DGKG: variants seen among roughly 807,000 people sequenced by gnomAD.
DGKG encodes DAG kinase gamma.
In DGKG, 78 loss-of-function variants were observed where a neutral mutation model predicts 105.3. That is an observed-to-expected ratio of 0.74 (90% CI 0.62 to 0.89). The LOEUF is 0.89. Among genes scored for constraint, DGKG ranks in the 40% least tolerant of loss-of-function variants. The probability of loss-of-function intolerance (pLI) is 0.00; values close to 1 mark genes in which losing one functional copy is unlikely to be tolerated. For synonymous variants in DGKG, 346 were observed against 367.1 expected, an observed-to-expected ratio of 0.94 and a Z score of 0.66; for missense variants, 958 against 1,020.1, an observed-to-expected ratio of 0.94 and a Z score of 0.83.
At chr3:186,286,315 T>C (rs1723067847) in intron 6 of DGKG, among the ~76,000 whole-genome samples, 1 of 152,200 alleles carries the variant, frequency 6.6e-6, no homozygotes, top group Non-Finnish European at 1.5e-5. Context: ...GGACAGACCT[T>C]TTCTGCTAGC....
chr3:186,160,743 A>G (rs571832421), intron 24 of DGKG: 1 of 985,414 alleles, frequency 1.0e-6, no homozygotes, highest in East Asian at 1.1e-4. Flanking sequence ...GGTATTACGC[A>G]TGTAGTATCC....
At chr3:186,286,334 A>G (rs1723069030) in intron 6 of DGKG, among the ~76,000 whole-genome samples, 1 of 152,196 alleles carries the variant, frequency 6.6e-6, no homozygotes, top group Admixed American at 6.5e-5. Flanking sequence ...GCATTATTCC[A>G]GGACTCTGGG....
chr3:186,237,002 C>A (rs1720451033), intron 20 of DGKG, among the ~76,000 whole-genome samples: 1 of 152,188 alleles, frequency 6.6e-6, no homozygotes, highest in South Asian at 2.1e-4. Context: ...ATTTCATATG[C>A]AAAACCCTTC....
chr3:186,176,921 G>T (rs1230830631), intron 22 of DGKG, among the ~76,000 whole-genome samples: 3 of 152,194 alleles, frequency 2.0e-5, no homozygotes, highest in South Asian at 4.1e-4. Context: ...AGAGGTTTGG[G>T]CGTGGAGGCA....
intron 2 of DGKG, among the ~76,000 whole-genome samples, chr3:186,312,926 T>C (rs557112664): frequency 6.6e-6 from 1 of 152,380 alleles, no homozygotes; most frequent in South Asian, 2.1e-4. Flanking sequence ...TTCTCCCATC[T>C]AAACTTTGTT....
intron 10 of DGKG, among the ~76,000 whole-genome samples, chr3:186,273,550 T>C (rs1285764392): frequency 6.6e-6 from 1 of 151,926 alleles, no homozygotes; most frequent in Non-Finnish European, 1.5e-5. Flanking sequence ...AATTTTTGTA[T>C]TTTTAGTAGG....
At chr3:186,240,725 G>A (rs2108550338) in intron 20 of DGKG, among the ~76,000 whole-genome samples, 1 of 151,172 alleles carries the variant, frequency 6.6e-6, no homozygotes, top group South Asian at 2.1e-4. Flanking sequence ...CGGAAGAATT[G>A]TTTGAACCCA....
intron 22 of DGKG, among the ~76,000 whole-genome samples, chr3:186,166,642 T>C (rs1238229791): frequency 6.6e-6 from 1 of 151,638 alleles, no homozygotes; most frequent in Non-Finnish European, 1.5e-5. Context: ...TGTGTGTGTG[T>C]GTGTGTGTGT....
At chr3:186,286,828 G>T (rs1254816860) in intron 6 of DGKG, among the ~76,000 whole-genome samples, 1 of 152,112 alleles carries the variant, frequency 6.6e-6, no homozygotes, top group African/African-American at 2.4e-5. Flanking sequence ...GAGGTCAGAA[G>T]TTCGAGACCA....
chr3:186,258,820 G>A lies in DGKG; in HGVS notation c.1425-881C>T, dbSNP rs148200242. Reference sequence around the variant, plus strand: ...ACTGTTTTTTGATATGGTTTCCCTGGTCACCTTTTATTATTAAATTTATGC... The same window carrying A: ...ACTGTTTTTTGATATGGTTTCCCTGATCACCTTTTATTATTAAATTTATGC... On this transcript the variant is annotated intron_variant, in intron 16 of 24. Coordinates refer to ENST00000265022, the MANE Select transcript of DGKG (RefSeq NM_001346.3). Among the ~76,000 whole-genome samples, 427 of 152,088 alleles carry A rather than the reference G, an allele frequency of 2.8e-3. 2 individuals are homozygous for A. The highest frequency in any genetic ancestry group is 9.9e-3 in the African/African-American group (410 of 41,468).
intron 5 of DGKG, 39 bp downstream of exon 5, chr3:186,297,381 TC>T (rs1560140045): frequency 6.8e-7 from 1 of 1,477,654 alleles, no homozygotes; most frequent in Non-Finnish European, 9.5e-7. Flanking sequence ...GATGAGGTAT[TC>T]CCTACTTTTC....
chr3:186,147,334 T>A lies in DGKG; in HGVS notation c.*2756A>T. The A allele has an allele frequency of 3.0e-6, 3 of 984,922 alleles. No individual in the cohort carries two copies. Among genetic ancestry groups the A allele is most frequent in the East Asian group, 1.1e-4 (1 of 8,804 alleles). The allele number at this position is 984,922 out of a possible 1,614,324, so 61.0% of individuals were successfully genotyped here. A position where few individuals can be genotyped will look rare whatever the true frequency, so the allele number is the denominator to read the frequency against. The stretch of plus-strand genomic sequence containing the variant: ...GTTCTCCCCTGACTAACCATGTGGC[T>A]TTGAGAAGTCACTAAACCTCATTAA... On this transcript the variant is annotated 3_prime_UTR_variant, in exon 25 of 25. Coordinates refer to ENST00000265022, the MANE Select transcript of DGKG (RefSeq NM_001346.3).
chr3:186,205,640 G>A (rs570633246), intron 21 of DGKG, among the ~76,000 whole-genome samples: 42 of 152,124 alleles, frequency 2.8e-4, no homozygotes, highest in African/African-American at 9.9e-4. Context: ...AACCCAGGAG[G>A]AAGGGGTTTC....
rs187808254 is a variant in DGKG, at chr3:186,252,946, G to A, written c.1600+147C>T. ...CAGCATGGGATGGAGGGCAGAGAAA[G>A]GGTCATGGACTTGACATGACTGCAG... On this transcript the variant is annotated intron_variant, in intron 18 of 24. Coordinates refer to ENST00000265022, the MANE Select transcript of DGKG (RefSeq NM_001346.3). The A allele has an allele frequency of 1.1e-5, 7 of 664,216 alleles. No individual in the cohort carries two copies. In the East Asian group the frequency reaches 1.4e-4, roughly 13 times the overall value. 41.1% of individuals were successfully genotyped at this position (664,216 alleles called of 1,614,324 possible).
At chr3:186,180,432 C>G (rs1346478304) in intron 22 of DGKG, among the ~76,000 whole-genome samples, 1 of 152,150 alleles carries the variant, frequency 6.6e-6, no homozygotes, top group Non-Finnish European at 1.5e-5. Flanking sequence ...TAAGAAGAGT[C>G]CCAGTGCACA....
At position 186,265,304 on chromosome 3, in the gene DGKG, G is replaced by A. The variant is rs765960333; in HGVS notation, c.1212C>T (p.Asp404=). Residue 404 remains aspartate (D), a splice_region_variant and synonymous_variant, in exon 14 of 25, where the codon GAC becomes GAT. Coordinates refer to ENST00000265022, the MANE Select transcript of DGKG (RefSeq NM_001346.3). ...LPTSICPITR[D]RPGEKSDGCV... ...AGCCATCAGACTTCTCACCTGGCCT[G>A]TCCTGTGACAAGAAAGGAAAGACAA... The A allele has an allele frequency of 8.7e-6, 14 of 1,614,154 alleles. 2 individuals carry two copies. The South Asian group carries it at 1.3e-4, about 15-fold the overall frequency.
chr3:186,332,688 C>A (rs1052035676), intron 1 of DGKG, among the ~76,000 whole-genome samples: 7 of 152,092 alleles, frequency 4.6e-5, no homozygotes, highest in Non-Finnish European at 1.0e-4. Context: ...ACATGCTTCC[C>A]AAGGTTATTA....
chr3:186,346,750 C>A (rs1006361913), intron 1 of DGKG, among the ~76,000 whole-genome samples: 1 of 151,984 alleles, frequency 6.6e-6, no homozygotes, highest in Admixed American at 6.5e-5. Context: ...AATTTTTTTA[C>A]GATGGGATCA....
intron 13 of DGKG, 145 bp downstream of exon 13, chr3:186,267,540 A>G (rs1722113142): frequency 3.0e-6 from 2 of 658,436 alleles, no homozygotes; most frequent in South Asian, 3.7e-5. Flanking sequence ...AACCTAAAAT[A>G]ACAGTAAAAA....
Sources: allele counts gnomAD v4.1 joint callset (sites outside exome capture counted in the v4.1 genomes callset), GRCh38; gene constraint gnomAD v4.1.1; transcripts MANE v1.5; gene names NCBI Gene and HGNC (gene_info 2026-07-23, HGNC 2026-07-21).